The following C4orf51 variants were observed in gnomAD, a reference collection of about 807,000 sequenced individuals.
C4orf51 encodes the protein uncharacterized protein C4orf51.
A neutral mutation model predicts 25.2 loss-of-function variants in C4orf51; 25 were observed. The ratio of observed to expected loss-of-function variants is 0.99; its 90% CI spans 0.72 to 1.39. The LOEUF (loss-of-function observed/expected upper bound fraction) is 1.39. C4orf51 is among the 40% of genes most tolerant of loss of function. C4orf51 has a pLI of 0.00. For missense variants in C4orf51, 252 were observed against 239.6 expected (o/e 1.05, Z -0.34); for synonymous variants, 100 against 84.5 (o/e 1.18, Z -1.01).
chr4:145,740,274 C>CA (rs1733031110), intron 1 of C4orf51, among the ~76,000 whole-genome samples: 1 of 99,344 alleles, frequency 1.0e-5, no homozygotes, highest in Non-Finnish European at 2.0e-5. Flanking sequence ...AAAAAAAAGA[C>CA]AAAAAATAAA....
At chr4:145,735,653 A>G (rs1170121542), downstream of C4orf51, among the ~76,000 whole-genome samples, 1 of 152,206 alleles carries the variant, frequency 6.6e-6, no homozygotes, top group East Asian at 1.9e-4. Flanking sequence ...GCTGGCATAA[A>G]TGAGGTCTTC....
chr4:145,715,694 C>T (rs1731374126), intron 2 of C4orf51, among the ~76,000 whole-genome samples: 1 of 152,142 alleles, frequency 6.6e-6, no homozygotes, highest in Non-Finnish European at 1.5e-5. Context: ...AACTCCTATT[C>T]TGCCATTTTA....
chr4:145,697,520 A>T (rs1730151773), intron 2 of C4orf51, among the ~76,000 whole-genome samples: 1 of 152,222 alleles, frequency 6.6e-6, no homozygotes. Flanking sequence ...TTCCCCATTT[A>T]TCTTACCTCA....
chr4:145,731,564 CTTTTTTTTTTTTTTTTTT>C (rs398051305), intron 5 of C4orf51, among the ~76,000 whole-genome samples: 2 of 43,876 alleles, frequency 4.6e-5, no homozygotes, highest in South Asian at 3.0e-3. Context: ...CAAGGCAAAT[CTTTTTTTTTTTTTTTTTT>C]TTTTTTTTTT....
chr4:145,769,351 AT>A (rs1735898334), intron 1 of C4orf51, among the ~76,000 whole-genome samples: 5 of 152,168 alleles, frequency 3.3e-5, no homozygotes, highest in African/African-American at 1.2e-4. Flanking sequence ...TAGGTAGAAC[AT>A]TTTTAGCGGA....
chr4:145,778,215 C>T, the C4orf51 span, among the ~76,000 whole-genome samples: 3 of 152,170 alleles, frequency 2.0e-5, no homozygotes, highest in African/African-American at 7.2e-5. Context: ...CTCACTGCAA[C>T]TTCCACCTCC....
intron 1 of C4orf51, among the ~76,000 whole-genome samples, chr4:145,681,686 A>T (rs894677953): frequency 3.3e-5 from 5 of 152,186 alleles, no homozygotes. Flanking sequence ...GCATCTGGTG[A>T]GGCTCATCTT....
chr4:145,791,674 A>G, the C4orf51 span, among the ~76,000 whole-genome samples: 1,091 of 152,338 alleles, frequency 7.2e-3, 13 homozygotes, highest in African/African-American at 0.025. Context: ...GGATTTAGGT[A>G]TAGCTGAAAG....
exon 2 of C4orf51, chr4:145,754,256 C>T (rs1658105078): frequency 1.3e-5 from 2 of 152,248 alleles, no homozygotes; most frequent in South Asian, 2.1e-4. Flanking sequence ...TTGGCTTCAC[C>T]AAGTCGCTCT....
At chr4:145,729,474 TGTATTTTTA>T (rs1351177928) in intron 4 of C4orf51, among the ~76,000 whole-genome samples, 1 of 151,946 alleles carries the variant, frequency 6.6e-6, no homozygotes, top group African/African-American at 2.4e-5. Flanking sequence ...GCTAATTTTT[TGTATTTTTA>T]GTAGAGACGG....
At chr4:145,708,933 G>A (rs143031805) in intron 2 of C4orf51, among the ~76,000 whole-genome samples, 70 of 152,304 alleles carry the variant, frequency 4.6e-4, no homozygotes, top group African/African-American at 1.6e-3. Context: ...AAGGGGGCTG[G>A]ACTTCCCTTC....
the C4orf51 span, among the ~76,000 whole-genome samples, chr4:145,788,145 A>G: frequency 6.6e-6 from 1 of 152,232 alleles, no homozygotes; most frequent in Non-Finnish European, 1.5e-5. Flanking sequence ...AAATCATCCC[A>G]GGAAAACTGG....
chr4:145,683,393 A>G (rs1728950869), intron 1 of C4orf51, among the ~76,000 whole-genome samples: 1 of 152,216 alleles, frequency 6.6e-6, no homozygotes, highest in East Asian at 1.9e-4. Context: ...TCTGAATATC[A>G]ACAAACTAAT....
At chr4:145,782,372 C>G in the C4orf51 span, among the ~76,000 whole-genome samples, 1 of 152,130 alleles carries the variant, frequency 6.6e-6, no homozygotes, top group African/African-American at 2.4e-5. Context: ...TGAGATGAAG[C>G]TGAAATGGGG....
chr4:145,774,603 G>A (rs770881747), downstream of C4orf51: 3 of 1,613,756 alleles, frequency 1.9e-6, no homozygotes, highest in South Asian at 1.1e-5. Context: ...ACTGCTCCTT[G>A]TCCACGTGGA....
intron 1 of C4orf51, among the ~76,000 whole-genome samples, chr4:145,692,955 T>TTTTTTTTTG (rs1729692494): frequency 5.1e-5 from 1 of 19,732 alleles, no homozygotes; most frequent in Non-Finnish European, 8.1e-5. Context: ...AGTTTTTAGT[T>TTTTTTTTTG]TTTTTTTTTT....
At chr4:145,781,818 A>T in the C4orf51 span, among the ~76,000 whole-genome samples, 1 of 152,238 alleles carries the variant, frequency 6.6e-6, no homozygotes. Context: ...TTATAAGGAG[A>T]GGTCAAGAGG....
At chr4:145,790,613 CTAAGATTGGA>C in the C4orf51 span, among the ~76,000 whole-genome samples, 1 of 152,186 alleles carries the variant, frequency 6.6e-6, no homozygotes, top group Admixed American at 6.5e-5. Flanking sequence ...GTTCTCTTCA[CTAAGATTGGA>C]ATCCACTGGT....
intron 2 of C4orf51, among the ~76,000 whole-genome samples, chr4:145,720,482 G>A (rs1731672701): frequency 6.6e-6 from 1 of 152,188 alleles, no homozygotes; most frequent in Admixed American, 6.5e-5. Flanking sequence ...CCTTCTGTGA[G>A]TGACTCCACA....
Sources: gnomAD v4.1 joint callset for allele counts (sites outside exome capture counted in the v4.1 genomes callset) on GRCh38, gnomAD v4.1.1 for gene constraint, MANE v1.5 for transcripts, NCBI Gene and HGNC (gene_info 2026-07-23, HGNC 2026-07-21) for gene names.